Variants in BACH2 observed in about 807,000 individuals in gnomAD.
BACH2 encodes the protein BACH transcriptional regulator 2, also known as transcription regulator protein BACH2.
BACH2 carries 5 observed loss-of-function variants against 61.8 expected under a neutral mutation model. The ratio of observed to expected loss-of-function variants is 0.08; its 90% CI spans 0.04 to 0.17. BACH2 has a LOEUF of 0.17. BACH2 is among the 10% of genes least tolerant of loss of function. The probability of loss-of-function intolerance (pLI) is 1.00; values close to 1 mark genes in which losing one functional copy is unlikely to be tolerated. For synonymous variants in BACH2, 446 were observed against 440.1 expected, an observed-to-expected ratio of 1.01 and a Z score of -0.17; for missense variants, 824 against 1,091.1, an observed-to-expected ratio of 0.76 and a Z score of 3.45.
chr6:90,022,381 G>A (rs1582213118), intron 5 of BACH2, among the ~76,000 whole-genome samples: 1 of 152,012 alleles, frequency 6.6e-6, no homozygotes, highest in Non-Finnish European at 1.5e-5. Context: ...GCCAGGAGTT[G>A]GAGACCAGCC....
At chr6:90,258,898 T>C (rs1285362313) in intron 2 of BACH2, among the ~76,000 whole-genome samples, 1 of 152,208 alleles carries the variant, frequency 6.6e-6, no homozygotes, top group Non-Finnish European at 1.5e-5. Flanking sequence ...TGATTTTGCA[T>C]GTTGATTTTG....
chr6:90,002,093 A>C (rs1429740838), intron 6 of BACH2, among the ~76,000 whole-genome samples: 1 of 152,200 alleles, frequency 6.6e-6, no homozygotes, highest in Non-Finnish European at 1.5e-5. Flanking sequence ...CTTAGCTTAC[A>C]GTCAGCATCA....
chr6:90,203,931 GACAGCA>G (rs1209871156), intron 4 of BACH2, among the ~76,000 whole-genome samples: 3 of 152,148 alleles, frequency 2.0e-5, no homozygotes, highest in Non-Finnish European at 2.9e-5. Context: ...CTACCTGATG[GACAGCA>G]ACTCATGAGG....
chr6:90,057,361 T>G (rs903917435), intron 5 of BACH2, among the ~76,000 whole-genome samples: 1 of 152,124 alleles, frequency 6.6e-6, no homozygotes, highest in Non-Finnish European at 1.5e-5. Flanking sequence ...GCAAATAAAC[T>G]AGAAAATCTA....
At chr6:90,275,113 G>C (rs1771649726) in intron 1 of BACH2, among the ~76,000 whole-genome samples, 1 of 152,224 alleles carries the variant, frequency 6.6e-6, no homozygotes, top group African/African-American at 2.4e-5. Context: ...TCACATGTTT[G>C]GAGCAGTGTC....
At chr6:90,142,440 T>C (rs924980584) in intron 4 of BACH2, among the ~76,000 whole-genome samples, 1 of 152,188 alleles carries the variant, frequency 6.6e-6, no homozygotes, top group African/African-American at 2.4e-5. Context: ...AACACTTATT[T>C]TTACAGCAAT....
intron 6 of BACH2, among the ~76,000 whole-genome samples, chr6:89,984,886 T>A (rs1776154009): frequency 6.6e-6 from 1 of 152,222 alleles, no homozygotes; most frequent in Non-Finnish European, 1.5e-5. Context: ...CATATTAAGA[T>A]AAACACAATT....
At chr6:90,207,587 A>T (rs985705994) in intron 3 of BACH2, among the ~76,000 whole-genome samples, 3 of 152,144 alleles carry the variant, frequency 2.0e-5, no homozygotes, top group Non-Finnish European at 2.9e-5. Flanking sequence ...TTTAAGTTGC[A>T]TCTAGGAGGG....
At chr6:89,987,890 T>A (rs1209494647) in intron 6 of BACH2, among the ~76,000 whole-genome samples, 1 of 152,226 alleles carries the variant, frequency 6.6e-6, no homozygotes, top group Non-Finnish European at 1.5e-5. Flanking sequence ...TCCCTCAGCA[T>A]AAAGTTGACC....
intron 3 of BACH2, among the ~76,000 whole-genome samples, chr6:90,236,086 A>T (rs573688641): frequency 3.3e-5 from 5 of 152,248 alleles, no homozygotes; most frequent in Non-Finnish European, 7.3e-5. Flanking sequence ...TTGCAGCTCA[A>T]GCCTGTTTTA....
intron 5 of BACH2, among the ~76,000 whole-genome samples, chr6:90,083,155 G>A (rs1781792598): frequency 1.3e-5 from 2 of 152,092 alleles, no homozygotes; most frequent in African/African-American, 4.8e-5. Flanking sequence ...GTTAAATCTG[G>A]GCTCACAGAG....
chr6:90,085,239 C>T (rs1226256766), intron 5 of BACH2, among the ~76,000 whole-genome samples: 1 of 152,170 alleles, frequency 6.6e-6, no homozygotes, highest in Admixed American at 6.5e-5. Flanking sequence ...ATAGGCCCTA[C>T]AGCGGGAGAA....
chr6:90,167,473 A>T (rs1341866781), intron 4 of BACH2, among the ~76,000 whole-genome samples: 1 of 152,098 alleles, frequency 6.6e-6, no homozygotes. Context: ...CTCCTGCTTC[A>T]GCCTCTCAAA....
chr6:90,232,029 C>T (rs911843879), intron 3 of BACH2, among the ~76,000 whole-genome samples: 2 of 152,074 alleles, frequency 1.3e-5, no homozygotes, highest in East Asian at 3.8e-4. Flanking sequence ...CAACCGTTAT[C>T]TAAACCTTTT....
chr6:90,109,273 C>T (rs1392541601), intron 4 of BACH2, among the ~76,000 whole-genome samples: 1 of 152,120 alleles, frequency 6.6e-6, no homozygotes. Flanking sequence ...GACTTCTCAC[C>T]ATCACTTGAC....
intron 5 of BACH2, among the ~76,000 whole-genome samples, chr6:90,056,199 C>G (rs1258854582): frequency 1.3e-5 from 2 of 152,130 alleles, no homozygotes; most frequent in African/African-American, 4.8e-5. Context: ...GAGTCAAGAC[C>G]TATCAGTGTG....
At chr6:90,171,425 A>T (rs1209848171) in intron 4 of BACH2, among the ~76,000 whole-genome samples, 1 of 151,988 alleles carries the variant, frequency 6.6e-6, no homozygotes, top group Non-Finnish European at 1.5e-5. Context: ...AGAAGAAAAA[A>T]AAAAACAAAA....
At chr6:90,206,949 T>G (rs375685125) in intron 3 of BACH2, among the ~76,000 whole-genome samples, 2 of 152,172 alleles carry the variant, frequency 1.3e-5, no homozygotes, top group South Asian at 4.1e-4. Context: ...CAGTCTTCCA[T>G]GGGCCAAATG....
At chr6:90,262,574 C>T (rs1771196654) in intron 2 of BACH2, among the ~76,000 whole-genome samples, 3 of 152,078 alleles carry the variant, frequency 2.0e-5, no homozygotes, top group African/African-American at 7.2e-5. Context: ...ATGTACAGAC[C>T]CAATCTCCGA....
Sources: gnomAD v4.1 joint callset for allele counts (sites outside exome capture counted in the v4.1 genomes callset) on GRCh38, gnomAD v4.1.1 for gene constraint, MANE v1.5 for transcripts, NCBI Gene and HGNC (gene_info 2026-07-23, HGNC 2026-07-21) for gene names.